Variants in HIVEP2 observed in about 807,000 individuals in gnomAD.
HIVEP2 encodes HIVEP zinc finger 2, also known as transcription factor HIVEP2.
In HIVEP2, 14 loss-of-function variants were observed where a neutral mutation model predicts 180.7. The observed-to-expected ratio is 0.08, with a 90% CI of 0.05 to 0.12. The LOEUF is 0.12. Among genes scored for constraint, HIVEP2 ranks in the 10% least tolerant of loss-of-function variants. HIVEP2 has a pLI of 1.00. For missense variants in HIVEP2, 2,579 were observed against 3,008.5 expected, an observed-to-expected ratio of 0.86 and a Z score of 3.34; for synonymous variants, 1,184 against 1,136.4, an observed-to-expected ratio of 1.04 and a Z score of -0.84.
intron 1 of HIVEP2, among the ~76,000 whole-genome samples, chr6:142,906,363 T>C (rs559550106): frequency 6.6e-6 from 1 of 152,042 alleles, no homozygotes; most frequent in South Asian, 2.1e-4. Context: ...TTAAAATATA[T>C]AAAAAGCTCA....
intron 2 of HIVEP2, among the ~76,000 whole-genome samples, chr6:142,819,958 T>C (rs1776981735): frequency 6.6e-6 from 1 of 152,130 alleles, no homozygotes; most frequent in South Asian, 2.1e-4. Context: ...GCAAAATCCT[T>C]TCAGCAGAAA....
At chr6:142,917,709 CAG>C (rs1047288967) in intron 1 of HIVEP2, among the ~76,000 whole-genome samples, 25 of 152,256 alleles carry the variant, frequency 1.6e-4, no homozygotes, top group African/African-American at 5.5e-4. Context: ...GTATTAGACA[CAG>C]AAATTCTGCT....
intron 9 of HIVEP2, among the ~76,000 whole-genome samples, chr6:142,757,279 C>T (rs1440933643): frequency 6.6e-6 from 1 of 152,146 alleles, no homozygotes; most frequent in Non-Finnish European, 1.5e-5. Flanking sequence ...GTGAACAATG[C>T]AGCAGGCTAT....
At chr6:142,759,708 GC>G (rs1485033612) in intron 9 of HIVEP2, 63 bp downstream of exon 9, 23 of 1,275,308 alleles carry the variant, frequency 1.8e-5, no homozygotes, top group Non-Finnish European at 2.3e-5. Flanking sequence ...TCACACCAGT[GC>G]ATTATCAGGA....
At chr6:142,879,180 G>T (rs1180408064) in intron 1 of HIVEP2, among the ~76,000 whole-genome samples, 1 of 152,138 alleles carries the variant, frequency 6.6e-6, no homozygotes, top group African/African-American at 2.4e-5. Flanking sequence ...GGTACTCAGT[G>T]AAGCTTTTAG....
At chr6:142,894,437 T>C (rs1004647810) in intron 1 of HIVEP2, among the ~76,000 whole-genome samples, 1 of 152,248 alleles carries the variant, frequency 6.6e-6, no homozygotes, top group African/African-American at 2.4e-5. Flanking sequence ...CATATCTTAC[T>C]CATCATTTTA....
At chr6:142,791,457 G>A (rs542024126) in intron 2 of HIVEP2, among the ~76,000 whole-genome samples, 2 of 152,112 alleles carry the variant, frequency 1.3e-5, no homozygotes, top group African/African-American at 4.8e-5. Flanking sequence ...ACTGTGAATG[G>A]CATTCATACT....
chr6:142,871,011 G>T (rs1776279033), intron 1 of HIVEP2, among the ~76,000 whole-genome samples: 1 of 152,054 alleles, frequency 6.6e-6, no homozygotes. Flanking sequence ...CTTTCTCTTG[G>T]TCAGGACACT....
At chr6:142,858,549 C>T (rs1775886877) in intron 1 of HIVEP2, among the ~76,000 whole-genome samples, 1 of 152,128 alleles carries the variant, frequency 6.6e-6, no homozygotes, top group South Asian at 2.1e-4. Context: ...CATCTTTTAT[C>T]ACACCTCCTC....
intron 1 of HIVEP2, among the ~76,000 whole-genome samples, chr6:142,873,395 A>C (rs1490690731): frequency 5.9e-5 from 9 of 152,210 alleles, no homozygotes. Context: ...GGATGGACTG[A>C]GAATTAATCC....
chr6:142,773,212 T>C lies in HIVEP2; in HGVS notation c.1527A>G (p.Pro509=). The C allele has an allele frequency of 1.9e-6, 3 of 1,614,194 alleles. No individual in the cohort carries two copies. The highest frequency in any genetic ancestry group is 2.5e-6 in the Non-Finnish European group (3 of 1,180,030). Residue 509 remains proline (P), a synonymous_variant, in exon 5 of 10, where the codon CCA becomes CCG. Coordinates refer to ENST00000367603, the MANE Select transcript of HIVEP2 (RefSeq NM_006734.4). ...NSESRQPQII[P]SSIRNEGKLY... is the part of the protein sequence containing the mutation. ...GTTTTCCTTCGTTCCTGATAGATGA[T>C]GGAATAATCTGGGGTTGTCTGGACT...
intron 1 of HIVEP2, among the ~76,000 whole-genome samples, chr6:142,893,840 A>G (rs959403218): frequency 6.6e-6 from 1 of 152,186 alleles, no homozygotes; most frequent in African/African-American, 2.4e-5. Flanking sequence ...AGGTAATTCT[A>G]CAGAGAATGA....
At chr6:142,849,442 G>C (rs1481757690) in intron 1 of HIVEP2, among the ~76,000 whole-genome samples, 1 of 152,124 alleles carries the variant, frequency 6.6e-6, no homozygotes, top group African/African-American at 2.4e-5. Flanking sequence ...AGAATCCATG[G>C]GAATATGTGA....
intron 1 of HIVEP2, among the ~76,000 whole-genome samples, chr6:142,910,606 A>C (rs1490851181): frequency 6.6e-6 from 1 of 152,246 alleles, no homozygotes; most frequent in African/African-American, 2.4e-5. Context: ...GTCTCAAAAA[A>C]TAAAAATAAA....
intron 1 of HIVEP2, among the ~76,000 whole-genome samples, chr6:142,878,966 G>A (rs1410930367): frequency 6.6e-6 from 1 of 152,014 alleles, no homozygotes; most frequent in Non-Finnish European, 1.5e-5. Flanking sequence ...GTGTGGCCCT[G>A]GATATGTCAT....
intron 1 of HIVEP2, among the ~76,000 whole-genome samples, chr6:142,903,254 A>G (rs1292662778): frequency 6.6e-6 from 1 of 152,260 alleles, no homozygotes; most frequent in Non-Finnish European, 1.5e-5. Flanking sequence ...CATTTTCAAT[A>G]GTTCAGCCCT....
chr6:142,936,770 G>T (rs1231764619), intron 1 of HIVEP2, among the ~76,000 whole-genome samples: 1 of 151,524 alleles, frequency 6.6e-6, no homozygotes, highest in Non-Finnish European at 1.5e-5. Flanking sequence ...GACTGAATTA[G>T]CCATAAAAAG....
At chr6:142,868,029 G>T (rs1252613355) in intron 1 of HIVEP2, among the ~76,000 whole-genome samples, 1 of 152,104 alleles carries the variant, frequency 6.6e-6, no homozygotes, top group African/African-American at 2.4e-5. Context: ...ATTAGAAACA[G>T]AAAGGAAAAT....
chr6:142,859,095 A>G (rs1010986901), intron 1 of HIVEP2, among the ~76,000 whole-genome samples: 2 of 152,222 alleles, frequency 1.3e-5, no homozygotes, highest in Non-Finnish European at 2.9e-5. Context: ...CTTTGAAGGC[A>G]GGAACTATGT....
Sources: allele counts gnomAD v4.1 joint callset (sites outside exome capture counted in the v4.1 genomes callset), GRCh38; gene constraint gnomAD v4.1.1; transcripts MANE v1.5; gene names NCBI Gene and HGNC (gene_info 2026-07-23, HGNC 2026-07-21).